CPEB1: variants seen among roughly 807,000 people sequenced by gnomAD.
CPEB1 encodes the protein cytoplasmic polyadenylation element binding protein 1.
In CPEB1, 7 loss-of-function variants were observed where a neutral mutation model predicts 65.8. That is an observed-to-expected ratio of 0.11 (90% CI 0.06 to 0.20). CPEB1 has a LOEUF of 0.20. Ranked by LOEUF, CPEB1 falls within the 10% of genes least tolerant of loss-of-function variation. The pLI is 1.00. For missense variants in CPEB1, 551 were observed against 712.2 expected (o/e 0.77, Z 2.58); for synonymous variants, 262 against 260.0 (o/e 1.01, Z -0.08).
chr15:82,552,354 G>T, intron 9 of CPEB1, 126 bp downstream of exon 9: 6 of 794,462 alleles, frequency 7.6e-6, no homozygotes, highest in Non-Finnish European at 1.1e-5. Flanking sequence ...TGTGGGACAA[G>T]AAGAGCCTTC....
In CPEB1 at chr15:82,549,687, C is replaced by G. The variant is rs780585382; in HGVS notation, c.1282-29G>C. 4 of 1,607,616 alleles carry G rather than the reference C, an allele frequency of 2.5e-6. No individual in the cohort carries two copies. In the African/African-American group the frequency reaches 5.4e-5, roughly 22 times the overall value. On this transcript the variant is annotated intron_variant, in intron 9 of 12. Coordinates refer to ENST00000684509, the MANE Select transcript of CPEB1 (RefSeq NM_001365242.1). ...AAAACCACCCAAAGGTGTATCAGCC[C>G]TGGCAGAGAGCCACAGAGAGAGAGG...
chr15:82,638,330 T>TAGTC (rs1250765168), intron 1 of CPEB1, among the ~76,000 whole-genome samples: 1 of 152,196 alleles, frequency 6.6e-6, no homozygotes, highest in Non-Finnish European at 1.5e-5. Context: ...TCCTATCTGT[T>TAGTC]AGTCATTTGA....
At chr15:82,604,842 G>C (rs1002877400) in intron 3 of CPEB1, among the ~76,000 whole-genome samples, 1 of 152,098 alleles carries the variant, frequency 6.6e-6, no homozygotes, top group Non-Finnish European at 1.5e-5. Flanking sequence ...CAGAATATGT[G>C]AAGAAATAAT....
intron 3 of CPEB1, among the ~76,000 whole-genome samples, chr15:82,588,356 C>G (rs1364334584): frequency 6.6e-6 from 1 of 152,136 alleles, no homozygotes. Context: ...ACCTAATTCC[C>G]TACCCCAGAG....
chr15:82,560,148 C>T (rs1007814688), intron 4 of CPEB1, among the ~76,000 whole-genome samples: 8 of 152,154 alleles, frequency 5.3e-5, no homozygotes, highest in African/African-American at 1.9e-4. Context: ...AGAGTCCATG[C>T]CCTGAGAAGG....
At chr15:82,648,052 T>G (rs2047728555), upstream of CPEB1, 3 of 407,666 alleles carry the variant, frequency 7.4e-6, no homozygotes, top group Non-Finnish European at 1.2e-5. Context: ...AGCACCTGTG[T>G]CGGCCCCGCC....
At chr15:82,576,379 A>G (rs1196920021) in intron 3 of CPEB1, among the ~76,000 whole-genome samples, 1 of 152,224 alleles carries the variant, frequency 6.6e-6, no homozygotes, top group African/African-American at 2.4e-5. Context: ...GTGAGGATAC[A>G]TCAGTCAGAA....
intron 1 of CPEB1, among the ~76,000 whole-genome samples, chr15:82,633,991 T>C (rs1426253527): frequency 1.3e-5 from 2 of 151,226 alleles, no homozygotes; most frequent in East Asian, 3.9e-4. Context: ...GGGTAGCACC[T>C]ACTTTGCAGA....
chr15:82,548,314 A>G (rs1311154077), intron 10 of CPEB1, among the ~76,000 whole-genome samples: 1 of 152,160 alleles, frequency 6.6e-6, no homozygotes, highest in African/African-American at 2.4e-5. Flanking sequence ...CAGCACGGCA[A>G]CAGAGTGAGA....
chr15:82,548,260 A>G (rs943208726), intron 10 of CPEB1, among the ~76,000 whole-genome samples: 1 of 152,074 alleles, frequency 6.6e-6, no homozygotes, highest in Non-Finnish European at 1.5e-5. Flanking sequence ...ACTTGAACCC[A>G]GGAGGCAGAG....
chr15:82,611,624 C>G (rs985388808), intron 3 of CPEB1, among the ~76,000 whole-genome samples: 1 of 151,524 alleles, frequency 6.6e-6, no homozygotes, highest in Non-Finnish European at 1.5e-5. Flanking sequence ...TAGCCAGCAG[C>G]CACGGTGGCA....
At chr15:82,570,583 G>C (rs1333892578) in intron 4 of CPEB1, among the ~76,000 whole-genome samples, 1 of 152,130 alleles carries the variant, frequency 6.6e-6, no homozygotes, top group Non-Finnish European at 1.5e-5. Context: ...ACAGGTAACA[G>C]AAGGTATAAG....
intron 3 of CPEB1, among the ~76,000 whole-genome samples, chr15:82,605,396 G>A (rs752378034): frequency 5.3e-4 from 80 of 152,046 alleles, no homozygotes; most frequent in Admixed American, 1.2e-3. Flanking sequence ...AAATGGGGGC[G>A]GGATAAGAAG....
At chr15:82,606,410 C>A (rs1410450185) in intron 3 of CPEB1, among the ~76,000 whole-genome samples, 1 of 147,330 alleles carries the variant, frequency 6.8e-6, no homozygotes, top group African/African-American at 2.5e-5. Flanking sequence ...TGAGGGGTTA[C>A]AGTGACCCGA....
At chr15:82,568,550 AAC>A (rs1365257141) in intron 4 of CPEB1, among the ~76,000 whole-genome samples, 1 of 152,180 alleles carries the variant, frequency 6.6e-6, no homozygotes, top group African/African-American at 2.4e-5. Flanking sequence ...AATTCTCAAA[AAC>A]AGACTCTATC....
chr15:82,634,162 T>C (rs1370716063), intron 1 of CPEB1, among the ~76,000 whole-genome samples: 2 of 148,728 alleles, frequency 1.3e-5, no homozygotes. Flanking sequence ...GAAGCTTATT[T>C]ACTTGTTTTA....
Position 82,556,141 on chromosome 15 carries a change from A to C in CPEB1, c.688-19T>G. On this transcript the variant is annotated intron_variant, in intron 5 of 12. Coordinates refer to ENST00000684509, the MANE Select transcript of CPEB1 (RefSeq NM_001365242.1). ...GGCTTGACTAGGGGAGGAAAAAGGAAGACAGGGTTTTAAAGGCTAGTTTTG... is the reference window on the plus strand; with the variant it reads ...GGCTTGACTAGGGGAGGAAAAAGGACGACAGGGTTTTAAAGGCTAGTTTTG... 1 of 1,581,510 alleles carries C rather than the reference A, an allele frequency of 6.3e-7. No individual in the cohort carries two copies. Among genetic ancestry groups the C allele is most frequent in the Non-Finnish European group, 8.5e-7 (1 of 1,170,214 alleles).
At chr15:82,611,403 A>G (rs2044142370) in intron 3 of CPEB1, among the ~76,000 whole-genome samples, 1 of 152,180 alleles carries the variant, frequency 6.6e-6, no homozygotes, top group Admixed American at 6.6e-5. Context: ...GAAATCACTG[A>G]AATAAATTAA....
chr15:82,565,042 G>A (rs192400002), intron 4 of CPEB1, among the ~76,000 whole-genome samples: 1 of 152,288 alleles, frequency 6.6e-6, no homozygotes, highest in East Asian at 1.9e-4. Flanking sequence ...CCATGCATCA[G>A]TTTCCTGCAA....
Sources: allele counts gnomAD v4.1 joint callset (sites outside exome capture counted in the v4.1 genomes callset), GRCh38; gene constraint gnomAD v4.1.1; transcripts MANE v1.5; gene names NCBI Gene and HGNC (gene_info 2026-07-23, HGNC 2026-07-21).